Variants in NBAS observed in about 807,000 individuals in gnomAD.
NBAS encodes NBAS subunit of NRZ tethering complex.
NBAS carries 219 observed loss-of-function variants against 302.5 expected under a neutral mutation model. That is an observed-to-expected ratio of 0.72 (90% CI 0.65 to 0.81). The LOEUF (loss-of-function observed/expected upper bound fraction) is 0.81, where lower values mean the gene tolerates loss of function less well. NBAS is among the 30% of genes least tolerant of loss of function. The pLI is 0.00. For synonymous variants in NBAS, 1,118 were observed against 1,021.6 expected (o/e 1.09, Z -1.80); for missense variants, 2,932 against 2,841.6 (o/e 1.03, Z -0.72).
At chr2:14,998,526 A>G in the NBAS span, among the ~76,000 whole-genome samples, 1 of 152,216 alleles carries the variant, frequency 6.6e-6, no homozygotes, top group African/African-American at 2.4e-5. Flanking sequence ...AGAAGAGACA[A>G]AAGGGTGCAG....
At chr2:15,470,607 T>A (rs1679916795) in intron 16 of NBAS, among the ~76,000 whole-genome samples, 1 of 152,178 alleles carries the variant, frequency 6.6e-6, no homozygotes. Context: ...AAGAATGTCT[T>A]CCTCCCTTCT....
At chr2:15,212,998 G>A (rs777729079) in intron 48 of NBAS, among the ~76,000 whole-genome samples, 4 of 152,194 alleles carry the variant, frequency 2.6e-5, no homozygotes, top group African/African-American at 7.2e-5. Context: ...CTCCACTGGT[G>A]TAGAGGTCCT....
intron 21 of NBAS, among the ~76,000 whole-genome samples, chr2:15,458,440 CA>C (rs1238252327): frequency 1.3e-5 from 2 of 152,168 alleles, no homozygotes; most frequent in African/African-American, 4.8e-5. Flanking sequence ...AGTGGTTCAG[CA>C]CCATCCCCTT....
the NBAS span, among the ~76,000 whole-genome samples, chr2:14,957,456 A>G: frequency 1.2e-4 from 18 of 152,300 alleles, no homozygotes; most frequent in Non-Finnish European, 2.6e-4. Context: ...AGTAATACCC[A>G]CTATCTTTGC....
At chr2:15,269,561 C>T (rs772849778) in intron 44 of NBAS, among the ~76,000 whole-genome samples, 3 of 152,120 alleles carry the variant, frequency 2.0e-5, no homozygotes, top group Non-Finnish European at 4.4e-5. Context: ...TTGGATCCAC[C>T]ACTGTAAGGC....
chr2:15,478,419 A>G, intron 12 of NBAS, 130 bp from the exon 13 acceptor site: 1 of 717,428 alleles, frequency 1.4e-6, no homozygotes, highest in Non-Finnish European at 2.4e-6. Flanking sequence ...AACTAATTGA[A>G]ATCTATTTAT....
chr2:15,115,701 C>T, the NBAS span, among the ~76,000 whole-genome samples: 1 of 151,782 alleles, frequency 6.6e-6, no homozygotes, highest in African/African-American at 2.4e-5. Context: ...TTTGTATAGA[C>T]GAAGCTTTGT....
At chr2:15,378,731 C>G (rs1225658337) in intron 30 of NBAS, among the ~76,000 whole-genome samples, 2 of 152,136 alleles carry the variant, frequency 1.3e-5, no homozygotes, top group African/African-American at 4.8e-5. Context: ...CATGAGTACT[C>G]AAAGTACTGT....
chr2:15,164,340 C>T (rs76870501), downstream of NBAS, among the ~76,000 whole-genome samples: 55 of 152,372 alleles, frequency 3.6e-4, no homozygotes, highest in East Asian at 4.6e-3. Flanking sequence ...TAAGTTAACA[C>T]GGCATTGGGC....
chr2:14,909,708 A>C, the NBAS span, among the ~76,000 whole-genome samples: 1 of 152,186 alleles, frequency 6.6e-6, no homozygotes, highest in Non-Finnish European at 1.5e-5. Flanking sequence ...TGTGCCAGGG[A>C]GGGAATTAAT....
chr2:15,131,832 G>C, the NBAS span, among the ~76,000 whole-genome samples: 1 of 152,144 alleles, frequency 6.6e-6, no homozygotes, highest in Admixed American at 6.5e-5. Context: ...TACACACTAA[G>C]AAAAGTGAAG....
At position 15,353,702 on chromosome 2, in the gene NBAS, T is replaced by C. The variant is rs1673479296; in HGVS notation, c.3940A>G (p.Lys1314Glu). The change falls in exon 34 of 52, where the codon AAA becomes GAA. Residue 1314 changes from lysine (K) to glutamate (E), a missense_variant. Lys to Glu is a moderately conservative substitution (Grantham distance 56, BLOSUM62 1). Transcript: ENST00000281513. ...CQELMATGYP[K>E]SWDVCSQLGQ... ...AACTGGCTACAAACATCCCAACTTT[T>C]AGGATAACCTGCAAAATTGGCAAGG... is the stretch of plus-strand genomic sequence containing the variant. 6.2e-7 allele frequency: 1 copy of C among 1,613,958 alleles called. No individual in the cohort carries two copies. Among genetic ancestry groups the C allele is most frequent in the Non-Finnish European group, 8.5e-7 (1 of 1,179,922 alleles).
At chr2:15,021,127 G>C in the NBAS span, among the ~76,000 whole-genome samples, 5 of 152,210 alleles carry the variant, frequency 3.3e-5, no homozygotes, top group African/African-American at 1.2e-4. Context: ...ATCTACTCAG[G>C]GAGGCTGAGG....
intron 42 of NBAS, among the ~76,000 whole-genome samples, chr2:15,281,221 G>T (rs1479833781): frequency 6.6e-6 from 1 of 152,168 alleles, no homozygotes; most frequent in Non-Finnish European, 1.5e-5. Flanking sequence ...GGACAACCTG[G>T]TATCCCTAAA....
At chr2:15,230,796 G>GAGTGAGATGGCAGT (rs1446639282) in intron 47 of NBAS, among the ~76,000 whole-genome samples, 2 of 152,170 alleles carry the variant, frequency 1.3e-5, no homozygotes, top group East Asian at 3.9e-4. Flanking sequence ...GACAAGCTGG[G>GAGTGAGATGGCAGT]AGTGAGATGG....
intron 41 of NBAS, 64 bp from the exon 42 acceptor site, chr2:15,287,247 C>G: frequency 7.8e-7 from 1 of 1,284,586 alleles, no homozygotes; most frequent in Non-Finnish European, 1.1e-6. Flanking sequence ...CAATCAGCAA[C>G]GAAAATGCTC....
the NBAS span, among the ~76,000 whole-genome samples, chr2:14,914,564 G>A: frequency 1.3e-5 from 2 of 152,210 alleles, no homozygotes; most frequent in African/African-American, 2.4e-5. Context: ...TTAGCTAGGG[G>A]ACATTATTTG....
chr2:15,403,962 A>G (rs1676284684), intron 25 of NBAS, among the ~76,000 whole-genome samples: 2 of 149,876 alleles, frequency 1.3e-5, no homozygotes, highest in African/African-American at 4.9e-5. Flanking sequence ...GCTGGTCTCA[A>G]ACCCCTGGCC....
At chr2:14,919,408 C>T in the NBAS span, among the ~76,000 whole-genome samples, 15 of 152,104 alleles carry the variant, frequency 9.9e-5, no homozygotes, top group Non-Finnish European at 2.2e-4. Context: ...CATCCTGCCT[C>T]GAAGTTGATG....
Sources: gnomAD v4.1 joint callset for allele counts (sites outside exome capture counted in the v4.1 genomes callset) on GRCh38, gnomAD v4.1.1 for gene constraint, MANE v1.5 for transcripts, NCBI Gene and HGNC (gene_info 2026-07-23, HGNC 2026-07-21) for gene names.